The following RNF128 variants were observed in gnomAD, a reference collection of about 807,000 sequenced individuals.
RNF128 encodes the protein E3 ubiquitin-protein ligase RNF128.
RNF128 carries 13 observed loss-of-function variants against 26.2 expected under a neutral mutation model. That is an observed-to-expected ratio of 0.50 (90% confidence interval 0.32 to 0.79). RNF128 has a LOEUF of 0.79. Ranked by LOEUF, RNF128 falls within the 30% of genes least tolerant of loss-of-function variation. RNF128 has a pLI of 0.03. For missense variants in RNF128, 315 were observed against 349.7 expected, an observed-to-expected ratio of 0.90 and a Z score of 0.79; for synonymous variants, 149 against 142.5, an observed-to-expected ratio of 1.05 and a Z score of -0.32.
At chrX:106,702,943 T>G (rs1003088851) in intron 1 of RNF128, among the ~76,000 whole-genome samples, 12 of 111,969 alleles carry the variant, frequency 1.1e-4, no homozygotes, top group African/African-American at 3.6e-4. Flanking sequence ...TTAATAGTCA[T>G]GTAAATATTT....
chrX:106,761,071 G>A (rs1930113237), intron 1 of RNF128, among the ~76,000 whole-genome samples: 1 of 111,577 alleles, frequency 9.0e-6, no homozygotes, highest in African/African-American at 3.3e-5. Context: ...AAATTAACAA[G>A]CAAAAATCCA....
intron 1 of RNF128, among the ~76,000 whole-genome samples, chrX:106,706,155 A>T (rs1300291110): frequency 9.0e-6 from 1 of 111,532 alleles, no homozygotes; most frequent in African/African-American, 3.3e-5. Flanking sequence ...CTGGGTTGCT[A>T]TTAATTCTTG....
chrX:106,795,909 A>AT lies in RNF128; in HGVS notation c.*201dup. 1 of 284,235 alleles carries AT rather than the reference A, an allele frequency of 3.5e-6. No individual in the cohort carries two copies. The highest frequency in any genetic ancestry group is 6.0e-6 in the Non-Finnish European group (1 of 165,678). The allele number at this position is 284,235 out of a possible 1,213,427, so 23.4% of individuals were successfully genotyped here. On this transcript the variant is annotated 3_prime_UTR_variant, in exon 7 of 7. Transcript: ENST00000255499. ...CTTTTTTCCACAAACTCATTATAAT[A>AT]TTTTTCATAGGCAAGTTTCCTCTCA...
chrX:106,741,812 A>T (rs1030555421), intron 1 of RNF128, among the ~76,000 whole-genome samples: 7 of 112,104 alleles, frequency 6.2e-5, no homozygotes, highest in African/African-American at 2.3e-4. Context: ...AGATACAGTG[A>T]TGAAAGACCT....
At chrX:106,722,102 G>A (rs1018023517), upstream of RNF128, among the ~76,000 whole-genome samples, 3 of 111,091 alleles carry the variant, frequency 2.7e-5, no homozygotes, top group African/African-American at 9.8e-5. Context: ...ATATGGCCAG[G>A]GAGTAGCATG....
At chrX:106,775,121 T>C (rs1049812037) in intron 2 of RNF128, among the ~76,000 whole-genome samples, 2 of 112,129 alleles carry the variant, frequency 1.8e-5, no homozygotes, top group Non-Finnish European at 3.8e-5. Context: ...CTAGCTGCAG[T>C]CAAAAAGATG....
chrX:106,755,442 CA>C (rs1189240543), intron 1 of RNF128, among the ~76,000 whole-genome samples: 3 of 109,855 alleles, frequency 2.7e-5, no homozygotes, highest in Non-Finnish European at 5.7e-5. Context: ...CAAAACCAGA[CA>C]AAGACATATC....
At chrX:106,710,867 T>A (rs759438993) in intron 1 of RNF128, among the ~76,000 whole-genome samples, 65 of 110,959 alleles carry the variant, frequency 5.9e-4, no homozygotes, top group African/African-American at 2.0e-3. Context: ...CTAGGTTTAG[T>A]CTAGCTTCAT....
intron 2 of RNF128, among the ~76,000 whole-genome samples, chrX:106,780,918 G>A (rs915395392): frequency 4.5e-5 from 5 of 112,181 alleles, no homozygotes; most frequent in African/African-American, 1.6e-4. Flanking sequence ...TCACAATGTT[G>A]TTAATGATTA....
intron 1 of RNF128, among the ~76,000 whole-genome samples, chrX:106,735,351 A>T (rs1929577394): frequency 9.0e-6 from 1 of 111,431 alleles, no homozygotes; most frequent in African/African-American, 3.3e-5. Flanking sequence ...AATAGTTGAT[A>T]TATGTTTCTC....
At position 106,788,379 on chromosome X, in the gene RNF128, AT is replaced by A. The variant is rs1310058779; in HGVS notation, c.887+381del. 6.1e-3 allele frequency among the ~76,000 whole-genome samples: 285 copies of A among 46,949 alleles called. 4 individuals are homozygous for A. Among genetic ancestry groups the A allele is most frequent in the African/African-American group, 0.029 (275 of 9,488 alleles). The allele number at this position is 46,949 out of a possible 115,157, so 40.8% of individuals were successfully genotyped here. A position where few individuals can be genotyped will look rare whatever the true frequency, so the allele number is the denominator to read the frequency against. On this transcript the variant is annotated intron_variant, in intron 4 of 6. Coordinates refer to ENST00000255499, the MANE Select transcript of RNF128 (RefSeq NM_194463.2). ...ATACTATATATAATATATATTATAT[AT>A]TATATATAATATATATTATATATAA...
chrX:106,732,311 C>T (rs1196000360), intron 1 of RNF128, among the ~76,000 whole-genome samples: 3 of 111,996 alleles, frequency 2.7e-5, no homozygotes, highest in African/African-American at 9.7e-5. Context: ...TCTTATAGTA[C>T]GTTCTGCATT....
rs1404023656 is a variant in RNF128 at position 106,795,736 on chromosome X, G to A, written c.*23G>A. On this transcript the variant is annotated 3_prime_UTR_variant, in exon 7 of 7. Coordinates refer to ENST00000255499, the MANE Select transcript of RNF128 (RefSeq NM_194463.2). ...TAAAATCTGTGTAAATAGAAAACTT[G>A]AACCATTAGTAATAACAGAACTGCC... is the stretch of plus-strand genomic sequence containing the variant. 1 of 1,152,560 alleles carries A rather than the reference G, an allele frequency of 8.7e-7. No homozygotes were observed. Among genetic ancestry groups the A allele is most frequent in the African/African-American group, 1.8e-5 (1 of 55,333 alleles). 95.0% of individuals were successfully genotyped at this position (1,152,560 alleles called of 1,213,427 possible). A position where few individuals can be genotyped will look rare whatever the true frequency, so the allele number is the denominator to read the frequency against.
chrX:106,712,718 C>T (rs1462951321), intron 1 of RNF128, among the ~76,000 whole-genome samples: 1 of 110,718 alleles, frequency 9.0e-6, no homozygotes, highest in Admixed American at 9.7e-5. Flanking sequence ...TTTAATAACC[C>T]TTTGCCACAG....
chrX:106,697,874 C>G (rs1473635290), intron 1 of RNF128, among the ~76,000 whole-genome samples: 1 of 109,188 alleles, frequency 9.2e-6, no homozygotes, highest in Non-Finnish European at 1.9e-5. Flanking sequence ...TGGAGTTCTC[C>G]TTTGGGTTAT....
At chrX:106,711,421 C>T (rs1021830702) in intron 1 of RNF128, among the ~76,000 whole-genome samples, 8 of 112,243 alleles carry the variant, frequency 7.1e-5, no homozygotes, top group African/African-American at 2.3e-4. Flanking sequence ...TGGATCTCGA[C>T]GGTTTTTTAA....
intron 1 of RNF128, among the ~76,000 whole-genome samples, chrX:106,704,238 A>G (rs1281430658): frequency 9.1e-5 from 10 of 109,695 alleles, no homozygotes; most frequent in African/African-American, 3.0e-4. Flanking sequence ...GATCAAAACC[A>G]TCCTAGCTAA....
At chrX:106,714,328 T>A (rs1034372360) in intron 1 of RNF128, among the ~76,000 whole-genome samples, 21 of 111,695 alleles carry the variant, frequency 1.9e-4, no homozygotes, top group African/African-American at 6.5e-4. Context: ...AAAGTTGAAT[T>A]CAAATAATGC....
chrX:106,710,722 A>T (rs1465034572), intron 1 of RNF128, among the ~76,000 whole-genome samples: 1 of 86,682 alleles, frequency 1.2e-5, no homozygotes, highest in East Asian at 3.7e-4. Flanking sequence ...GTGCCACTGC[A>T]CTCCAGCCTG....
Sources: allele counts gnomAD v4.1 joint callset (sites outside exome capture counted in the v4.1 genomes callset), GRCh38; gene constraint gnomAD v4.1.1; transcripts MANE v1.5; gene names NCBI Gene and HGNC (gene_info 2026-07-23, HGNC 2026-07-21).